The following PHF3 variants were observed in gnomAD, a reference collection of about 807,000 sequenced individuals.
PHF3 encodes the protein PHD finger protein 3.
Under a neutral mutation model 178.4 loss-of-function variants are expected in PHF3, and 41 were observed. The observed-to-expected ratio is 0.23, with a 90% CI of 0.18 to 0.30. The LOEUF is 0.30. Among genes scored for constraint, PHF3 ranks in the 10% least tolerant of loss-of-function variants. The pLI is 1.00. For missense variants in PHF3, 2,346 were observed against 2,398.1 expected (o/e 0.98, Z 0.45); for synonymous variants, 842 against 800.5 (o/e 1.05, Z -0.88).
intron 2 of PHF3, 161 bp from the exon 3 acceptor site, chr6:63,679,839 T>C (rs1444425332): frequency 1.5e-6 from 1 of 680,680 alleles, no homozygotes; most frequent in African/African-American, 1.8e-5. Context: ...ATTTGGGAGT[T>C]TGGTAGTGGC....
At chr6:63,637,830 T>G (rs2149531830) in intron 1 of PHF3, among the ~76,000 whole-genome samples, 1 of 152,342 alleles carries the variant, frequency 6.6e-6, no homozygotes, top group South Asian at 2.1e-4. Context: ...CAGATAGCTG[T>G]ACTCGGTAAT....
intron 6 of PHF3, 101 bp downstream of exon 6, chr6:63,694,865 A>G: frequency 1.5e-6 from 1 of 666,702 alleles, no homozygotes; most frequent in Non-Finnish European, 2.1e-6. Context: ...ATTTAACATT[A>G]TTAAATGTTG....
At position 63,684,816 on chromosome 6, in the gene PHF3, G is replaced by C. The variant is rs1181087361; in HGVS notation, c.1094G>C (p.Ser365Thr). Residue 365 changes from serine (S) to threonine (T), a missense_variant, in exon 4 of 16, where the codon AGT (serine) becomes ACT (threonine). Physicochemically the swap from Ser to Thr is moderately conservative, Grantham distance 58. Transcript: ENST00000262043. ...GAAAACAGCCTTGTAGGTTTGCCTA[G>C]TTGTGTAGATGAAGTGACTGAATGT... ...KTENSLVGLPSCVDEVTECNL... is the reference protein window; with the variant it reads ...KTENSLVGLPTCVDEVTECNL... 5 of 1,614,016 alleles carry C rather than the reference G, an allele frequency of 3.1e-6. No homozygotes were observed. The highest frequency in any genetic ancestry group is 4.2e-6 in the Non-Finnish European group (5 of 1,179,890).
chr6:63,647,883 C>T (rs2149541069), intron 2 of PHF3, among the ~76,000 whole-genome samples: 1 of 152,252 alleles, frequency 6.6e-6, no homozygotes, highest in South Asian at 2.1e-4. Flanking sequence ...AAATAGTTCT[C>T]AGGTTTATGT....
chr6:63,677,604 T>C (rs1264552435), intron 2 of PHF3, among the ~76,000 whole-genome samples: 2 of 152,232 alleles, frequency 1.3e-5, no homozygotes, highest in Non-Finnish European at 2.9e-5. Flanking sequence ...CAACAAACAC[T>C]ATTCATCAGG....
chr6:63,671,623 A>G (rs1765920598), intron 2 of PHF3, among the ~76,000 whole-genome samples: 1 of 152,204 alleles, frequency 6.6e-6, no homozygotes, highest in Admixed American at 6.5e-5. Context: ...AGAAATAGCA[A>G]ATGAAGGGTA....
At chr6:63,679,792 ATTACT>A (rs1231803644) in intron 2 of PHF3, 11 of 604,056 alleles carry the variant, frequency 1.8e-5, no homozygotes, top group Admixed American at 4.3e-5. Flanking sequence ...TCTTTGACTA[ATTACT>A]TTACAAGGTG....
At chr6:63,653,754 A>C (rs1428938984) in intron 2 of PHF3, among the ~76,000 whole-genome samples, 2 of 152,130 alleles carry the variant, frequency 1.3e-5, no homozygotes, top group Non-Finnish European at 2.9e-5. Context: ...CCCATTTAGT[A>C]TGATGTTGAC....
At chr6:63,696,221 C>T (rs1331887768) in intron 6 of PHF3, among the ~76,000 whole-genome samples, 1 of 152,190 alleles carries the variant, frequency 6.6e-6, no homozygotes, top group African/African-American at 2.4e-5. Flanking sequence ...TAAGGGCATA[C>T]TCAACCTGTA....
rs778125792 is a variant in PHF3, at chr6:63,711,915, C to T, written c.4327C>T (p.Leu1443Phe). 5.0e-6 allele frequency: 8 copies of T among 1,614,018 alleles called. No individual in the cohort carries two copies. Among genetic ancestry groups the T allele is most frequent in the Non-Finnish European group, 6.8e-6 (8 of 1,179,950 alleles). ...GGAGCCACCAAAACCTTTAAGATTTCTTCCTGGCGTGTTGATTGGCTGGGA... is the reference window on the plus strand; with the variant it reads ...GGAGCCACCAAAACCTTTAAGATTTTTTCCTGGCGTGTTGATTGGCTGGGA... ...KQEPPKPLRF[L>F]PGVLIGWENQ... is the part of the protein sequence containing the mutation. The change falls in exon 16 of 16, where the codon CTT becomes TTT. Residue 1443 changes from leucine (L) to phenylalanine (F), a missense_variant. Leu to Phe is a conservative substitution (Grantham distance 22). Transcript: ENST00000262043.
rs770929256 is a variant in PHF3, at chr6:63,680,051, A to G, written c.296A>G (p.Asn99Ser). Residue 99 changes from asparagine (N) to serine (S), a missense_variant, in exon 3 of 16, where the codon AAT (asparagine) becomes AGT (serine). Physicochemically the swap from Asn to Ser is conservative, Grantham distance 46. Transcript: ENST00000262043. ...GAAGGAGTTGTTAAAGAAAGTGGCAATGATACCATTGATGAAGAAGAACTG... is the reference window on the plus strand; with the variant it reads ...GAAGGAGTTGTTAAAGAAAGTGGCAGTGATACCATTGATGAAGAAGAACTG... ...MDEGVVKESGNDTIDEEELIL... is the reference protein window; with the variant it reads ...MDEGVVKESGSDTIDEEELIL... 58 of 1,612,814 alleles carry G rather than the reference A, an allele frequency of 3.6e-5. 1 individual carries two copies. Among genetic ancestry groups the G allele is most frequent in the Non-Finnish European group, 4.3e-5 (51 of 1,179,250 alleles).
chr6:63,677,856 T>C (rs757954385), intron 2 of PHF3, among the ~76,000 whole-genome samples: 31 of 152,214 alleles, frequency 2.0e-4, no homozygotes, highest in Admixed American at 9.2e-4. Flanking sequence ...TATGCTTTTC[T>C]ACAGAATTAA....
intron 2 of PHF3, among the ~76,000 whole-genome samples, chr6:63,674,257 T>TGATG (rs1184410084): frequency 2.6e-5 from 2 of 76,802 alleles, no homozygotes; most frequent in Non-Finnish European, 3.5e-5. Flanking sequence ...GAGAGACATT[T>TGATG]GATGATATCT....
chr6:63,679,657 C>A (rs1223626635), intron 2 of PHF3: 4 of 358,020 alleles, frequency 1.1e-5, no homozygotes, highest in Non-Finnish European at 2.2e-5. Context: ...ACTACCTTAA[C>A]CAAAATTGTG....
At chr6:63,644,954 C>T (rs949882827) in intron 1 of PHF3, among the ~76,000 whole-genome samples, 7 of 149,756 alleles carry the variant, frequency 4.7e-5, no homozygotes, top group South Asian at 2.1e-4. Context: ...GGGTTGATTT[C>T]GCTGCAACCT....
chr6:63,675,682 G>C (rs899751502), intron 2 of PHF3, among the ~76,000 whole-genome samples: 14 of 152,166 alleles, frequency 9.2e-5, no homozygotes, highest in African/African-American at 3.4e-4. Flanking sequence ...TGCAGTCTTA[G>C]TTATTCTAAT....
Position 63,712,896 on chromosome 6 carries a change from A to G in PHF3, c.5308A>G (p.Thr1770Ala), listed in dbSNP as rs1768019723. The G allele has an allele frequency of 6.2e-7, 1 of 1,614,082 alleles. No homozygotes were observed. Residue 1770 changes from threonine to alanine, a missense_variant, in exon 16 of 16, where the codon ACA becomes GCA. Physicochemically the swap from Thr to Ala is moderately conservative, Grantham distance 58. Transcript: ENST00000262043. ...GACATCTCATTTTGAAGTTGGAAAC[A>G]CATGTCCATCAGAATTTCCTTCTAA... Reference protein sequence around the residue: ...VATSHFEVGNTCPSEFPSKSI... With the variant: ...VATSHFEVGNACPSEFPSKSI...
intron 2 of PHF3, among the ~76,000 whole-genome samples, chr6:63,655,195 C>T (rs1421824590): frequency 1.3e-5 from 2 of 152,112 alleles, no homozygotes; most frequent in Non-Finnish European, 2.9e-5. Context: ...TCCTAAGTAG[C>T]TGGGATTATA....
rs760600734 is a variant in PHF3, at chr6:63,714,722, CTT to C, written c.*1017_*1018del. 1.3e-5 allele frequency: 2 copies of C among 151,948 alleles called. No individual in the cohort carries two copies. The highest frequency in any genetic ancestry group is 2.9e-5 in the Non-Finnish European group (2 of 67,946). 9.4% of individuals were successfully genotyped at this position (151,948 alleles called of 1,614,324 possible). ...CACTTTATAGGTAAGTTTCTGAAAA[CTT>C]TTACACCATCGCAATTTGGTACTCT... On this transcript the variant is annotated 3_prime_UTR_variant, in exon 16 of 16. Coordinates refer to ENST00000262043, the MANE Select transcript of PHF3 (RefSeq NM_001370348.2).
Sources: allele counts gnomAD v4.1 joint callset (sites outside exome capture counted in the v4.1 genomes callset), GRCh38; gene constraint gnomAD v4.1.1; transcripts MANE v1.5; gene names NCBI Gene and HGNC (gene_info 2026-07-23, HGNC 2026-07-21).